Variants in EPHA6 observed in about 807,000 individuals in gnomAD.
EPHA6 encodes EPH receptor A6.
EPHA6 carries 50 observed loss-of-function variants against 112.0 expected under a neutral mutation model. That is an observed-to-expected ratio of 0.45 (90% CI 0.36 to 0.56). The LOEUF (loss-of-function observed/expected upper bound fraction) is 0.56, where lower values mean the gene tolerates loss of function less well. Among genes scored for constraint, EPHA6 ranks in the 20% least tolerant of loss-of-function variants. EPHA6 has a pLI of 0.00. For synonymous variants in EPHA6, 529 were observed against 490.7 expected (o/e 1.08, Z -1.03); for missense variants, 1,280 against 1,417.4 (o/e 0.90, Z 1.56).
intron 11 of EPHA6, among the ~76,000 whole-genome samples, chr3:97,586,582 A>T (rs2093490464): frequency 6.6e-6 from 1 of 152,210 alleles, no homozygotes; most frequent in African/African-American, 2.4e-5. Context: ...ACAAAATATG[A>T]GTTACACAAG....
chr3:97,624,656 C>A (rs1441577200), intron 13 of EPHA6, among the ~76,000 whole-genome samples: 1 of 151,508 alleles, frequency 6.6e-6, no homozygotes, highest in African/African-American at 2.4e-5. Context: ...GTAGACTTCA[C>A]CAATAAAGCC....
chr3:96,900,899 G>A (rs2038569829), intron 2 of EPHA6, among the ~76,000 whole-genome samples: 2 of 152,168 alleles, frequency 1.3e-5, no homozygotes, highest in African/African-American at 4.8e-5. Flanking sequence ...GTGTTTGTAT[G>A]AAAACATGGG....
At chr3:96,937,450 G>A (rs930760768) in intron 2 of EPHA6, among the ~76,000 whole-genome samples, 1 of 132,930 alleles carries the variant, frequency 7.5e-6, no homozygotes, top group South Asian at 2.2e-4. Flanking sequence ...TTTTTGATGG[G>A]GTTGTTTGTT....
At chr3:97,324,433 C>CTTTCT (rs1553746337) in intron 5 of EPHA6, among the ~76,000 whole-genome samples, 1 of 145,506 alleles carries the variant, frequency 6.9e-6, no homozygotes, top group East Asian at 2.0e-4. Context: ...TTCTTTCTTT[C>CTTTCT]TTTCTTTCTT....
intron 5 of EPHA6, among the ~76,000 whole-genome samples, chr3:97,341,708 T>C (rs1346534523): frequency 6.6e-6 from 1 of 152,184 alleles, no homozygotes; most frequent in African/African-American, 2.4e-5. Flanking sequence ...TCATTCTTTA[T>C]AATTCAATGT....
chr3:96,943,246 T>G (rs549794652), intron 2 of EPHA6, among the ~76,000 whole-genome samples: 7 of 152,264 alleles, frequency 4.6e-5, no homozygotes, highest in African/African-American at 1.7e-4. Context: ...ACCTATTGTA[T>G]TCTATATTTC....
intron 2 of EPHA6, among the ~76,000 whole-genome samples, chr3:96,940,984 G>C (rs1391996762): frequency 6.6e-6 from 1 of 152,154 alleles, no homozygotes; most frequent in Admixed American, 6.5e-5. Context: ...AGTCTGATGG[G>C]CTTCCCTTTG....
intron 3 of EPHA6, among the ~76,000 whole-genome samples, chr3:97,134,442 A>G (rs1019843748): frequency 5.3e-5 from 8 of 152,114 alleles, no homozygotes; most frequent in Non-Finnish European, 1.2e-4. Flanking sequence ...TGTATGTGCA[A>G]ATCTGCCCAA....
At chr3:97,546,015 A>T (rs1208165134) in intron 11 of EPHA6, among the ~76,000 whole-genome samples, 3 of 152,122 alleles carry the variant, frequency 2.0e-5, no homozygotes, top group Admixed American at 6.5e-5. Context: ...TTGACTCTTT[A>T]TCCAATTTGC....
chr3:97,620,463 T>TAATA (rs752956792), intron 13 of EPHA6, among the ~76,000 whole-genome samples: 4 of 151,806 alleles, frequency 2.6e-5, no homozygotes, highest in African/African-American at 7.2e-5. Flanking sequence ...AAGAAACTAT[T>TAATA]ATCAGAGTAA....
intron 7 of EPHA6, among the ~76,000 whole-genome samples, chr3:97,455,675 C>T (rs896396591): frequency 6.6e-6 from 1 of 151,896 alleles, no homozygotes; most frequent in African/African-American, 2.4e-5. Flanking sequence ...GTTCACAGAG[C>T]TGTGCAGTGT....
chr3:97,579,578 TG>T (rs1442173695), intron 11 of EPHA6, among the ~76,000 whole-genome samples: 2 of 152,164 alleles, frequency 1.3e-5, no homozygotes, highest in African/African-American at 2.4e-5. Flanking sequence ...CCTACCTTAT[TG>T]ATGTCATAGG....
At chr3:97,423,289 A>C (rs1347664414) in intron 6 of EPHA6, among the ~76,000 whole-genome samples, 1 of 152,214 alleles carries the variant, frequency 6.6e-6, no homozygotes, top group East Asian at 1.9e-4. Context: ...TAGATCTGAT[A>C]AAAAATTTCA....
intron 11 of EPHA6, among the ~76,000 whole-genome samples, chr3:97,542,752 A>T (rs1433827828): frequency 6.6e-6 from 1 of 152,106 alleles, no homozygotes; most frequent in Non-Finnish European, 1.5e-5. Flanking sequence ...CCTCTCCAGC[A>T]CCTGTTGTTT....
In EPHA6 at chr3:96,983,477, C is replaced by T. The variant is rs2042895079; in HGVS notation, c.451-3853C>T. 2.6e-5 allele frequency among the ~76,000 whole-genome samples: 4 copies of T among 152,100 alleles called. No individual in the cohort carries two copies. In the South Asian group the frequency reaches 8.3e-4, roughly 31 times the overall value. ...GTAATGTGACCTTTCTCTCTGGCTG[C>T]CCTTAACATTTTTTCCTCCATTTCA... is the stretch of plus-strand genomic sequence containing the variant. On this transcript the variant is annotated intron_variant, in intron 2 of 17. Transcript: ENST00000389672.
chr3:97,691,000 GA>G (rs1229122875), intron 14 of EPHA6, among the ~76,000 whole-genome samples: 1 of 152,088 alleles, frequency 6.6e-6, no homozygotes, highest in African/African-American at 2.4e-5. Context: ...TTGTGTCTAA[GA>G]AACAATTGTC....
At chr3:97,187,739 AAGAAAGAG>A (rs1559784741) in intron 3 of EPHA6, among the ~76,000 whole-genome samples, 26 of 148,380 alleles carry the variant, frequency 1.8e-4, no homozygotes, top group African/African-American at 5.5e-4. Flanking sequence ...GAAAGAAAGA[AAGAAAGAG>A]GAAAGAAAGA....
At chr3:97,209,026 T>C (rs2077792513) in intron 3 of EPHA6, among the ~76,000 whole-genome samples, 1 of 152,198 alleles carries the variant, frequency 6.6e-6, no homozygotes, top group South Asian at 2.1e-4. Flanking sequence ...AATATTCTCA[T>C]GTAATTTTGA....
At chr3:97,167,170 T>C (rs927463431) in intron 3 of EPHA6, among the ~76,000 whole-genome samples, 6 of 152,194 alleles carry the variant, frequency 3.9e-5, no homozygotes, top group Admixed American at 2.6e-4. Flanking sequence ...ATTATCTGTT[T>C]GAATTAAAAA....
Sources: allele counts gnomAD v4.1 joint callset (sites outside exome capture counted in the v4.1 genomes callset), GRCh38; gene constraint gnomAD v4.1.1; transcripts MANE v1.5; gene names NCBI Gene and HGNC (gene_info 2026-07-23, HGNC 2026-07-21).